The following PDLIM2 variants were observed in gnomAD, a reference collection of about 807,000 sequenced individuals.
PDLIM2 encodes the protein PDZ and LIM domain 2.
PDLIM2 carries 51 observed loss-of-function variants against 54.1 expected under a neutral mutation model. That is an observed-to-expected ratio of 0.94 (90% CI 0.75 to 1.19). PDLIM2 has a LOEUF of 1.19. Ranked by LOEUF, PDLIM2 falls within the 50% of genes most tolerant of loss-of-function variation. The pLI, the probability that PDLIM2 is intolerant of heterozygous loss-of-function variation, is 0.00. For synonymous variants in PDLIM2, 398 were observed against 385.6 expected (o/e 1.03, Z -0.38); for missense variants, 912 against 874.0 (o/e 1.04, Z -0.55).
exon 2 of PDLIM2, chr8:22,580,646 C>A: frequency 1.2e-6 from 2 of 1,614,060 alleles, no homozygotes; most frequent in Non-Finnish European, 1.7e-6. Context: ...CGCCCTGGGG[C>A]TTCCGTATCA....
chr8:22,583,921 ATGTT>A (rs1800289780), intron 3 of PDLIM2, among the ~76,000 whole-genome samples: 2 of 148,920 alleles, frequency 1.3e-5, no homozygotes, highest in African/African-American at 2.5e-5. Context: ...ATAAAACTGA[ATGTT>A]TGAACTTTCT....
At chr8:22,580,660 G>T in exon 2 of PDLIM2, 1 of 1,614,092 alleles carries the variant, frequency 6.2e-7, no homozygotes, top group Non-Finnish European at 8.5e-7. Context: ...CGTATCACAG[G>T]GGGCAGGGAT....
At chr8:22,594,631 C>T, downstream of PDLIM2, 1 of 1,613,432 alleles carries the variant, frequency 6.2e-7, no homozygotes, top group Non-Finnish European at 8.5e-7. Flanking sequence ...CCAGGAGACC[C>T]ATCCAGCCAA....
chr8:22,589,180 T>C, intron 6 of PDLIM2, 118 bp from the exon 6 acceptor site: 1 of 1,004,824 alleles, frequency 1.0e-6, no homozygotes, highest in Non-Finnish European at 1.5e-6. Flanking sequence ...GGTCCGCTGG[T>C]CGGCGAGGGC....
chr8:22,594,647 T>C, downstream of PDLIM2: 1 of 1,612,534 alleles, frequency 6.2e-7, no homozygotes, highest in Non-Finnish European at 8.5e-7. Context: ...GCCAAGCTGG[T>C]GAGACAACCT....
At chr8:22,594,980 TG>T (rs922750007), downstream of PDLIM2, 1 of 210,040 alleles carries the variant, frequency 4.8e-6, no homozygotes, top group African/African-American at 2.4e-5. Flanking sequence ...TGAGCTGCCC[TG>T]GGGGTTCACT....
At chr8:22,580,485 C>G in intron 1 of PDLIM2, 1 of 1,566,178 alleles carries the variant, frequency 6.4e-7, no homozygotes, top group South Asian at 1.2e-5. Flanking sequence ...CCCTGAGTAG[C>G]TGCTCCGGGA....
At position 22,591,725 on chromosome 8, in the gene PDLIM2, C is replaced by T; in HGVS notation, c.1631+57C>T. ...CTTCACAGGGGAGTGGGGAGGGGGA[C>T]AGGGCACTGGATGCTTTCAGGAAGG... On this transcript the variant is annotated intron_variant, in intron 9 of 9. Coordinates refer to ENST00000308354, the Ensembl canonical transcript of PDLIM2. The T allele has an allele frequency of 4.0e-6, 6 of 1,484,852 alleles. No individual in the cohort carries two copies. In the South Asian group the frequency reaches 7.5e-5, roughly 19 times the overall value. The allele number at this position is 1,484,852 out of a possible 1,614,324, so 92.0% of individuals were successfully genotyped here.
chr8:22,581,228 C>T, intron 2 of PDLIM2, 151 bp from the exon 2 acceptor site: 1 of 989,334 alleles, frequency 1.0e-6, no homozygotes, highest in Non-Finnish European at 1.5e-6. Context: ...GATGGCTGAT[C>T]AGCTGGGTGT....
chr8:22,594,370 TC>T, downstream of PDLIM2: 1 of 1,497,124 alleles, frequency 6.7e-7, no homozygotes, highest in Non-Finnish European at 8.9e-7. Context: ...GGGTGGAGGG[TC>T]TTTATTTATG....
At position 22,585,309 on chromosome 8, in the gene PDLIM2, T is replaced by G. The variant is rs1171983897; in HGVS notation, c.1212-12T>G. On this transcript the variant is annotated splice_polypyrimidine_tract_variant and intron_variant, in intron 5 of 9. Coordinates refer to ENST00000308354, the Ensembl canonical transcript of PDLIM2. The stretch of plus-strand genomic sequence containing the variant: ...GTGGCCCTGGCACACACTGTCCCTT[T>G]CCCACTTTCAGCTTCCAGAGTCTGG... The G allele has an allele frequency of 8.7e-6, 14 of 1,612,770 alleles. No individual in the cohort carries two copies. The highest frequency in any genetic ancestry group is 1.2e-5 in the Non-Finnish European group (14 of 1,179,808).
At position 22,581,500 on chromosome 8, in the gene PDLIM2, GC is replaced by G; in HGVS notation, c.969del (p.Ser324ArgfsTer35). 6.3e-7 allele frequency: 1 copy of G among 1,595,958 alleles called. No individual in the cohort carries two copies. ...GAGGCCCAGAGCAAGATCCGCCAGA[GC>G]CCCTCGCCCCTGCGGCTGCAGCTGG... On this transcript the variant is annotated frameshift_variant, in exon 3 of 10. Coordinates refer to ENST00000308354, the Ensembl canonical transcript of PDLIM2. LOFTEE classifies it high-confidence loss of function.
chr8:22,594,876 T>A, downstream of PDLIM2: 1 of 520,770 alleles, frequency 1.9e-6, no homozygotes, highest in Non-Finnish European at 3.3e-6. Flanking sequence ...CCTTAAGCTG[T>A]GATCATGCCA....
At chr8:22,578,875 G>T in exon 1 of PDLIM2, 1 of 1,236,780 alleles carries the variant, frequency 8.1e-7, no homozygotes, top group Non-Finnish European at 1.0e-6. Context: ...CCCTGGACCG[G>T]CTCTGCTGTG....
exon 1 of PDLIM2, chr8:22,579,390 C>A (rs1394754022): frequency 1.3e-6 from 2 of 1,502,194 alleles, no homozygotes; most frequent in South Asian, 1.2e-5. Flanking sequence ...CCGGCCGGAG[C>A]GCTCCTCCTC....
intron 3 of PDLIM2, among the ~76,000 whole-genome samples, chr8:22,583,072 C>A (rs1800257231): frequency 6.6e-6 from 1 of 152,046 alleles, no homozygotes; most frequent in African/African-American, 2.4e-5. Context: ...TCCTGTTGCC[C>A]TACATCTCTA....
At chr8:22,580,902 G>T in intron 2 of PDLIM2, 1 of 719,834 alleles carries the variant, frequency 1.4e-6, no homozygotes, top group South Asian at 1.5e-5. Flanking sequence ...GAGTGAAAGG[G>T]AGCTGGGACC....
chr8:22,593,640 T>G, intron 9 of PDLIM2, 93 bp from the exon 9 acceptor site: 1 of 1,017,446 alleles, frequency 9.8e-7, no homozygotes, highest in Non-Finnish European at 1.4e-6. Context: ...TCCACCCAGG[T>G]CCTGATGCTA....
chr8:22,581,413 T>C (rs1800199010), exon 3 of PDLIM2: 1 of 1,607,394 alleles, frequency 6.2e-7, no homozygotes. Context: ...GACGCTGACC[T>C]CCGGCCTGGA....
Sources: gnomAD v4.1 joint callset for allele counts (sites outside exome capture counted in the v4.1 genomes callset) on GRCh38, gnomAD v4.1.1 for gene constraint, MANE v1.5 for transcripts, NCBI Gene and HGNC (gene_info 2026-07-23, HGNC 2026-07-21) for gene names.